The following PTPRT variants were observed in gnomAD, a reference collection of about 807,000 sequenced individuals.
PTPRT encodes the protein protein tyrosine phosphatase receptor type T, also known as receptor-type tyrosine-protein phosphatase T.
A neutral mutation model predicts 176.8 loss-of-function variants in PTPRT; 56 were observed. The ratio of observed to expected loss-of-function variants is 0.32; its 90% CI spans 0.26 to 0.40. PTPRT has a LOEUF of 0.40. Among genes scored for constraint, PTPRT ranks in the 10% least tolerant of loss-of-function variants. PTPRT has a pLI of 1.00. For synonymous variants in PTPRT, 783 were observed against 739.0 expected (o/e 1.06, Z -0.96); for missense variants, 1,540 against 1,908.2 (o/e 0.81, Z 3.60).
chr20:43,133,599 T>A (rs1409941277), intron 1 of PTPRT, among the ~76,000 whole-genome samples: 1 of 151,884 alleles, frequency 6.6e-6, no homozygotes, highest in African/African-American at 2.4e-5. Flanking sequence ...TACAAAACAT[T>A]AGCCGGGCAT....
intron 9 of PTPRT, among the ~76,000 whole-genome samples, chr20:42,425,627 C>CAT (rs2059156218): frequency 6.6e-6 from 1 of 152,124 alleles, no homozygotes; most frequent in Non-Finnish European, 1.5e-5. Flanking sequence ...AGTCCTCTCA[C>CAT]CATGAACAAC....
chr20:42,292,366 C>T (rs1335486822), intron 12 of PTPRT, among the ~76,000 whole-genome samples: 3 of 149,648 alleles, frequency 2.0e-5, no homozygotes, highest in Non-Finnish European at 4.5e-5. Flanking sequence ...GAGTTTTGCT[C>T]TTTTTGCCCA....
At position 43,121,924 on chromosome 20, in the gene PTPRT, G is replaced by T. The variant is rs370851312; in HGVS notation, c.88+67722C>A. Among the ~76,000 whole-genome samples the T allele has an allele frequency of 7.9e-5, 12 of 152,308 alleles. No homozygotes were observed. In the East Asian group the frequency reaches 2.3e-3, roughly 29 times the overall value. ...CTATGAGGACACTGAGGTTCAGAGA[G>T]GTTGAATAACTTGCCCAACACTGAA... On this transcript the variant is annotated intron_variant, in intron 1 of 30. Transcript: ENST00000373187.
intron 9 of PTPRT, among the ~76,000 whole-genome samples, chr20:42,379,615 A>G (rs1339401300): frequency 1.3e-5 from 2 of 152,238 alleles, no homozygotes; most frequent in Non-Finnish European, 2.9e-5. Context: ...AAGGAGTTAT[A>G]TGCCAGGTAC....
intron 6 of PTPRT, among the ~76,000 whole-genome samples, chr20:42,722,545 G>A (rs1159749982): frequency 2.0e-5 from 3 of 152,068 alleles, no homozygotes; most frequent in African/African-American, 2.4e-5. Context: ...CTGCACCCTC[G>A]CTGGGAGCTG....
intron 9 of PTPRT, among the ~76,000 whole-genome samples, chr20:42,356,981 C>T (rs1285737967): frequency 6.6e-6 from 1 of 152,146 alleles, no homozygotes; most frequent in Non-Finnish European, 1.5e-5. Context: ...CTTAGCGGAC[C>T]TCACTTACAG....
At chr20:42,295,435 T>C (rs768352243) in intron 12 of PTPRT, among the ~76,000 whole-genome samples, 8 of 152,214 alleles carry the variant, frequency 5.3e-5, no homozygotes, top group Non-Finnish European at 1.0e-4. Flanking sequence ...CATGCTGTAC[T>C]TGTCTTTCTT....
rs113648085 is a variant in PTPRT at position 42,443,568 on chromosome 20, C to T, written c.1560+4652G>A. Among the ~76,000 whole-genome samples the T allele has an allele frequency of 5.8e-3, 882 of 152,264 alleles. 8 individuals are homozygous for T. The highest frequency in any genetic ancestry group is 0.019 in the African/African-American group (808 of 41,552). On this transcript the variant is annotated intron_variant, in intron 9 of 30. Coordinates refer to ENST00000373187, the MANE Select transcript of PTPRT (RefSeq NM_007050.6). ...CTTCCTGTTGCAGCTCAGATGAGGC[C>T]GGAACCAGTGGGCTCTGACGAGGAT...
intron 1 of PTPRT, among the ~76,000 whole-genome samples, chr20:43,109,559 C>T (rs1007133221): frequency 4.6e-5 from 7 of 152,010 alleles, no homozygotes; most frequent in African/African-American, 1.7e-4. Context: ...TACTCTTGTG[C>T]TAGGGGCTGA....
chr20:42,979,074 T>G (rs970620410), intron 1 of PTPRT, among the ~76,000 whole-genome samples: 2 of 152,216 alleles, frequency 1.3e-5, no homozygotes, highest in African/African-American at 2.4e-5. Flanking sequence ...ATAACACTAT[T>G]GTTTAAATTG....
At position 42,452,218 on chromosome 20, in the gene PTPRT, G is replaced by A. The variant is rs865917737; in HGVS notation, c.1451-3889C>T. Among the ~76,000 whole-genome samples, 12 of 150,912 alleles carry A rather than the reference G, an allele frequency of 8.0e-5. 1 individual carries two copies. The highest frequency in any genetic ancestry group is 2.7e-4 in the African/African-American group (11 of 40,978). On this transcript the variant is annotated intron_variant, in intron 8 of 30. Transcript: ENST00000373187. Reference sequence around the variant, plus strand: ...CAGGAGGTGGAGGTTGCAGTGAGCCGAGACCATGCCACTGCACCCCAGCCT... The same window carrying A: ...CAGGAGGTGGAGGTTGCAGTGAGCCAAGACCATGCCACTGCACCCCAGCCT...
At position 42,296,908 on chromosome 20, in the gene PTPRT, C is replaced by T. The variant is rs540276430; in HGVS notation, c.2140-14383G>A. On this transcript the variant is annotated intron_variant, in intron 12 of 30. Coordinates refer to ENST00000373187, the MANE Select transcript of PTPRT (RefSeq NM_007050.6). ...GATGTACTTATTTCATATCACATGCCTGTATCAAAATGTCTCATTTACCCC... is the reference window on the plus strand; with the variant it reads ...GATGTACTTATTTCATATCACATGCTTGTATCAAAATGTCTCATTTACCCC... Among the ~76,000 whole-genome samples the T allele has an allele frequency of 2.1e-4, 32 of 152,094 alleles. 1 individual carries two copies. In the South Asian group the frequency reaches 6.4e-3, roughly 31 times the overall value.
intron 1 of PTPRT, among the ~76,000 whole-genome samples, chr20:42,940,566 T>C (rs1000309402): frequency 2.0e-5 from 3 of 151,958 alleles, no homozygotes; most frequent in African/African-American, 7.3e-5. Flanking sequence ...GCATTGACAG[T>C]GTGTTAGGCA....
At chr20:42,661,779 G>A (rs1234483287) in intron 7 of PTPRT, among the ~76,000 whole-genome samples, 1 of 152,170 alleles carries the variant, frequency 6.6e-6, no homozygotes, top group African/African-American at 2.4e-5. Context: ...AATAGTGGGT[G>A]GGATTTAGAA....
intron 7 of PTPRT, among the ~76,000 whole-genome samples, chr20:42,628,386 C>T (rs2074337118): frequency 6.6e-6 from 1 of 152,078 alleles, no homozygotes; most frequent in African/African-American, 2.4e-5. Flanking sequence ...CATGAGTCAC[C>T]TGCTCAATTA....
chr20:42,621,795 C>T (rs896990691), intron 7 of PTPRT, among the ~76,000 whole-genome samples: 2 of 152,112 alleles, frequency 1.3e-5, no homozygotes, highest in Non-Finnish European at 2.9e-5. Context: ...CTTTTTTCTC[C>T]TAAATTGCAG....
chr20:42,135,930 G>A (rs779040450), intron 18 of PTPRT, among the ~76,000 whole-genome samples: 1 of 152,134 alleles, frequency 6.6e-6, no homozygotes, highest in Non-Finnish European at 1.5e-5. Context: ...CACTTCTCCA[G>A]CTTCCACTTT....
chr20:43,087,388 T>C (rs6103149), intron 1 of PTPRT, among the ~76,000 whole-genome samples: 1,682 of 34,658 alleles, frequency 0.049, 51 homozygotes, highest in African/African-American at 0.13. Context: ...TTTTTTTTTT[T>C]CTCCGAAACA....
chr20:42,956,286 G>C (rs1383865757), intron 1 of PTPRT, among the ~76,000 whole-genome samples: 1 of 152,132 alleles, frequency 6.6e-6, no homozygotes, highest in Admixed American at 6.5e-5. Flanking sequence ...TGGATCATGG[G>C]GGTGGGATCC....
Sources: gnomAD v4.1 joint callset for allele counts (sites outside exome capture counted in the v4.1 genomes callset) on GRCh38, gnomAD v4.1.1 for gene constraint, MANE v1.5 for transcripts, NCBI Gene and HGNC (gene_info 2026-07-23, HGNC 2026-07-21) for gene names.